Variants in NRCAM observed in about 807,000 individuals in gnomAD.
The protein encoded by NRCAM is neuronal cell adhesion molecule, also known as NgCAM-related cell adhesion molecule.
NRCAM carries 83 observed loss-of-function variants against 156.5 expected under a neutral mutation model. The ratio of observed to expected loss-of-function variants is 0.53; its 90% CI spans 0.44 to 0.64. The LOEUF (loss-of-function observed/expected upper bound fraction) is 0.64, where lower values mean the gene tolerates loss of function less well. Among genes scored for constraint, NRCAM ranks in the 30% least tolerant of loss-of-function variants. NRCAM has a pLI of 0.00. For synonymous variants in NRCAM, 538 were observed against 563.9 expected (o/e 0.95, Z 0.65); for missense variants, 1,417 against 1,597.3 (o/e 0.89, Z 1.92).
At chr7:108,335,377 A>G (rs1207085739) in intron 2 of NRCAM, among the ~76,000 whole-genome samples, 1 of 149,904 alleles carries the variant, frequency 6.7e-6, no homozygotes, top group Non-Finnish European at 1.5e-5. Context: ...GAGAGTGGAA[A>G]CTTCCCTTCC....
chr7:108,308,889 C>G (rs2098757883), intron 3 of NRCAM, among the ~76,000 whole-genome samples: 1 of 152,148 alleles, frequency 6.6e-6, no homozygotes, highest in South Asian at 2.1e-4. Flanking sequence ...AAAGGCATCT[C>G]AATCACGGAT....
In NRCAM at chr7:108,209,583, C is replaced by T. The variant is rs1252049280; in HGVS notation, c.913G>A (p.Ala305Thr). ...TTGGGTAGCATTCCATCTTCCTTTG[C>T]CCAGTAAATAATTGGGGTAGGCCTG... ...EGLPTPIIYW[A>T]KEDGMLPKNR... is the part of the protein sequence containing the mutation. The change falls in exon 12 of 33, where the codon GCA (alanine) becomes ACA (threonine). Residue 305 changes from alanine (A) to threonine (T), a missense_variant. Around this residue, in one of 2 missense-constraint regions of NRCAM, gnomAD observed 1,238 missense variants for 1,336.4 expected, o/e 0.93. Transcript: ENST00000379028. 2 of 1,608,326 alleles carry T rather than the reference C, an allele frequency of 1.2e-6. No homozygotes were observed. Among genetic ancestry groups the T allele is most frequent in the Non-Finnish European group, 8.5e-7 (1 of 1,178,142 alleles).
At chr7:108,159,635 A>G in intron 31 of NRCAM, 94 bp from the exon 32 acceptor site, 1 of 881,494 alleles carries the variant, frequency 1.1e-6, no homozygotes, top group South Asian at 1.4e-5. Context: ...CAGCAGTGAA[A>G]AATAATTCCA....
chr7:108,188,041 A>G (rs2068277743), intron 20 of NRCAM, among the ~76,000 whole-genome samples: 2 of 152,068 alleles, frequency 1.3e-5, no homozygotes, highest in African/African-American at 4.8e-5. Flanking sequence ...TGAAGGAGGG[A>G]AGACCTTCAG....
intron 2 of NRCAM, among the ~76,000 whole-genome samples, chr7:108,316,592 G>A (rs542790998): frequency 2.0e-4 from 30 of 151,926 alleles, no homozygotes; most frequent in Non-Finnish European, 3.4e-4. Flanking sequence ...TGTCTAACAC[G>A]GTGAAACCCT....
At chr7:108,202,922 C>G (rs900548944) in intron 13 of NRCAM, among the ~76,000 whole-genome samples, 1 of 152,154 alleles carries the variant, frequency 6.6e-6, no homozygotes, top group Non-Finnish European at 1.5e-5. Flanking sequence ...ACAACGCACG[C>G]TGGAAACTAT....
At chr7:108,455,612 C>T (rs1377499046) in intron 1 of NRCAM, among the ~76,000 whole-genome samples, 1 of 152,168 alleles carries the variant, frequency 6.6e-6, no homozygotes, top group Non-Finnish European at 1.5e-5. Context: ...CGCCTCGATT[C>T]CCCGAGCCCT....
At chr7:108,391,878 T>C (rs1410572574) in intron 2 of NRCAM, among the ~76,000 whole-genome samples, 1 of 152,162 alleles carries the variant, frequency 6.6e-6, no homozygotes, top group African/African-American at 2.4e-5. Flanking sequence ...AAAATTCTTT[T>C]CTTTAAGAAT....
chr7:108,412,269 AC>A (rs1176593267), intron 1 of NRCAM, among the ~76,000 whole-genome samples: 10 of 138,680 alleles, frequency 7.2e-5, no homozygotes, highest in African/African-American at 1.9e-4. Flanking sequence ...AAAAAAAAAA[AC>A]CCAAAAAACG....
intron 3 of NRCAM, among the ~76,000 whole-genome samples, chr7:108,267,737 A>G (rs1201811318): frequency 6.6e-6 from 1 of 152,250 alleles, no homozygotes; most frequent in Non-Finnish European, 1.5e-5. Flanking sequence ...TCAAAAGAGA[A>G]TTCTAATTCC....
chr7:108,388,500 T>G (rs1213693602), intron 2 of NRCAM, among the ~76,000 whole-genome samples: 1 of 152,208 alleles, frequency 6.6e-6, no homozygotes, highest in Non-Finnish European at 1.5e-5. Context: ...TTTCTCCCAT[T>G]CTGTAGGTTG....
chr7:108,174,689 C>A (rs2059812736), intron 28 of NRCAM, among the ~76,000 whole-genome samples: 1 of 152,234 alleles, frequency 6.6e-6, no homozygotes, highest in South Asian at 2.1e-4. Flanking sequence ...TTGGCTATTA[C>A]TCAGGAGGAA....
Position 108,231,079 on chromosome 7 carries a change from T to C in NRCAM, c.502A>G (p.Arg168Gly), listed in dbSNP as rs1014135740. The change falls in exon 8 of 33, where the codon AGA becomes GGA. Residue 168 changes from arginine (R) to glycine (G), a missense_variant. By Grantham distance (125) the Arg-to-Gly change is moderately radical. Transcript: ENST00000379028. ...GGTGGTGGTAATCCAATTGGGGGTC[T>C]GCAGGGAAGTACTAAAGACTGACCA... is the stretch of plus-strand genomic sequence containing the variant. Reference protein sequence around the residue: ...QSGQSLVLPCRPPIGLPPPII... With the variant: ...QSGQSLVLPCGPPIGLPPPII... 1 of 1,609,710 alleles carries C rather than the reference T, an allele frequency of 6.2e-7. No homozygotes were observed. The highest frequency in any genetic ancestry group is 8.5e-7 in the Non-Finnish European group (1 of 1,176,870).
intron 32 of NRCAM, among the ~76,000 whole-genome samples, chr7:108,158,702 A>G (rs1021718955): frequency 2.4e-4 from 36 of 152,310 alleles, no homozygotes; most frequent in African/African-American, 8.2e-4. Context: ...AGGTATTTTA[A>G]AAAGGTATAC....
intron 28 of NRCAM, among the ~76,000 whole-genome samples, chr7:108,174,713 T>C (rs11772445): frequency 0.6 from 91,741 of 152,238 alleles, 32,686 homozygotes; most frequent in East Asian, 0.83. Flanking sequence ...ACTTAGGCAG[T>C]TGGGTGAAGA....
At chr7:108,240,361 A>G (rs2095442411) in intron 3 of NRCAM, among the ~76,000 whole-genome samples, 191 bp from the exon 4 acceptor site, 1 of 152,206 alleles carries the variant, frequency 6.6e-6, no homozygotes, top group South Asian at 2.1e-4. Context: ...CAGTTCAGAG[A>G]TATTAGTAGT....
chr7:108,420,443 G>T (rs1457556413), intron 1 of NRCAM, among the ~76,000 whole-genome samples: 1 of 152,160 alleles, frequency 6.6e-6, no homozygotes, highest in Non-Finnish European at 1.5e-5. Context: ...GATCTTTAAA[G>T]TAAATAAATA....
chr7:108,337,034 G>A (rs546643300), intron 2 of NRCAM, among the ~76,000 whole-genome samples: 2 of 152,232 alleles, frequency 1.3e-5, no homozygotes, highest in South Asian at 2.1e-4. Context: ...GGAGGCTGAG[G>A]AGGATGAATC....
chr7:108,171,896 ATTTTATT>A (rs2058580540), intron 28 of NRCAM, among the ~76,000 whole-genome samples: 1 of 152,132 alleles, frequency 6.6e-6, no homozygotes, highest in Non-Finnish European at 1.5e-5. Context: ...CAAAAAAGGA[ATTTTATT>A]TTTTATTTAC....
Sources: allele counts gnomAD v4.1 joint callset (sites outside exome capture counted in the v4.1 genomes callset), GRCh38; gene constraint gnomAD v4.1.1; regional missense constraint gnomAD v4.1.1; transcripts MANE v1.5; gene names NCBI Gene and HGNC (gene_info 2026-07-23, HGNC 2026-07-21).